Variants in NSD1 observed in about 807,000 individuals in gnomAD.
The protein encoded by NSD1 is nuclear receptor binding SET domain protein 1.
A neutral mutation model predicts 242.7 loss-of-function variants in NSD1; 26 were observed. The ratio of observed to expected loss-of-function variants is 0.11; its 90% CI spans 0.08 to 0.15. The LOEUF (loss-of-function observed/expected upper bound fraction) is 0.15. Among genes scored for constraint, NSD1 ranks in the 10% least tolerant of loss-of-function variants. The pLI is 1.00. For synonymous variants in NSD1, 1,106 were observed against 1,178.1 expected (o/e 0.94, Z 1.25); for missense variants, 2,495 against 3,272.8 (o/e 0.76, Z 5.80).
rs760561556 is a variant in NSD1, at chr5:177,211,478, T to G, written c.3079T>G (p.Ser1027Ala). The stretch of plus-strand genomic sequence containing the variant: ...GCGCAACTGTGGACGATCAAAGCCT[T>G]CATCCAAATTGCGAGATGCTTTTTC... ...TRRNCGRSKPSSKLRDAFSAQ... is the reference protein window; with the variant it reads ...TRRNCGRSKPASKLRDAFSAQ... The change falls in exon 5 of 23, where the codon TCA becomes GCA. Residue 1027 changes from serine (S) to alanine (A), a missense_variant. Physicochemically the swap from Ser to Ala is moderately conservative, Grantham distance 99. Transcript: ENST00000439151. 5.6e-6 allele frequency: 9 copies of G among 1,614,154 alleles called. No homozygotes were observed. The East Asian group carries it at 1.8e-4, about 32-fold the overall frequency.
chr5:177,178,196 C>T (rs550815667), intron 2 of NSD1, among the ~76,000 whole-genome samples: 51 of 152,250 alleles, frequency 3.3e-4, no homozygotes, highest in African/African-American at 1.2e-3. Context: ...CTCCTGGCTG[C>T]ATTAAAATAT....
chr5:177,274,297 G>A (rs181488923), intron 17 of NSD1, among the ~76,000 whole-genome samples: 3 of 152,250 alleles, frequency 2.0e-5, no homozygotes, highest in Non-Finnish European at 4.4e-5. Flanking sequence ...TATCATCTGG[G>A]TCCAGTGGAG....
chr5:177,225,004 A>G (rs1198465814), intron 5 of NSD1, among the ~76,000 whole-genome samples: 4 of 151,982 alleles, frequency 2.6e-5, no homozygotes, highest in East Asian at 1.9e-4. Flanking sequence ...GGTAAATCCT[A>G]CTTGGTCATG....
At chr5:177,164,659 C>T (rs565486969) in intron 2 of NSD1, among the ~76,000 whole-genome samples, 1 of 152,066 alleles carries the variant, frequency 6.6e-6, no homozygotes, top group African/African-American at 2.4e-5. Flanking sequence ...TGAGGTAAAA[C>T]GGCCAGGCAC....
rs934624011 is a variant in NSD1 at position 177,297,223 on chromosome 5, G to A, written c.*1764G>A. ...TATCCCTGCATTTCACTGAGACCTC[G>A]GAATCTCCTCTGTGAATTCCACCTG... On this transcript the variant is annotated 3_prime_UTR_variant, in exon 23 of 23. Coordinates refer to ENST00000439151, the MANE Select transcript of NSD1 (RefSeq NM_022455.5). The A allele has an allele frequency of 5.2e-5, 12 of 232,086 alleles. No individual in the cohort carries two copies. The highest frequency in any genetic ancestry group is 1.8e-4 in the African/African-American group (8 of 45,188). 14.4% of individuals were successfully genotyped at this position (232,086 alleles called of 1,614,324 possible). A position where few individuals can be genotyped will look rare whatever the true frequency, so the allele number is the denominator to read the frequency against.
intron 2 of NSD1, among the ~76,000 whole-genome samples, chr5:177,190,772 C>T (rs1761605805): frequency 6.6e-6 from 1 of 151,522 alleles, no homozygotes. Context: ...TGGGTTCACG[C>T]CATTCTCCTG....
chr5:177,166,455 G>C (rs1198213838), intron 2 of NSD1, among the ~76,000 whole-genome samples: 1 of 151,856 alleles, frequency 6.6e-6, no homozygotes, highest in Non-Finnish European at 1.5e-5. Context: ...GGCTGTGACA[G>C]GAGGATCACT....
At chr5:177,174,797 A>G (rs1041031335) in intron 2 of NSD1, among the ~76,000 whole-genome samples, 1 of 149,676 alleles carries the variant, frequency 6.7e-6, no homozygotes, top group Non-Finnish European at 1.5e-5. Context: ...TCCTGAGCTC[A>G]GGTGATCTGC....
At position 177,298,363 on chromosome 5, in the gene NSD1, T is replaced by C. The variant is rs1373528499; in HGVS notation, c.*2904T>C. The C allele has an allele frequency of 4.3e-6, 1 of 233,130 alleles. No individual in the cohort carries two copies. The highest frequency in any genetic ancestry group is 2.2e-5 in the African/African-American group (1 of 45,354). 14.4% of individuals were successfully genotyped at this position (233,130 alleles called of 1,614,324 possible). ...GCCTTTTCCAGGGACAAGGCAAAAG[T>C]TGAAATTCTCCATGGGTAGCTAGAA... On this transcript the variant is annotated 3_prime_UTR_variant, in exon 23 of 23. Transcript: ENST00000439151.
In NSD1 at chr5:177,158,994, GATTTTATAT is replaced by G. The variant is rs1460293786; in HGVS notation, c.927+22967_927+22975del. On this transcript the variant is annotated intron_variant, in intron 2 of 22. Coordinates refer to ENST00000439151, the MANE Select transcript of NSD1 (RefSeq NM_022455.5). ...CATATATACACACATATATATGAAT[GATTTTATAT>G]ATATATATATATATATATATATGAA... Among the ~76,000 whole-genome samples the G allele has an allele frequency of 4.3e-4, 31 of 72,036 alleles. 1 individual carries two copies. The highest frequency in any genetic ancestry group is 2.8e-3 in the African/African-American group (28 of 10,144). 47.3% of individuals were successfully genotyped at this position (72,036 alleles called of 152,430 possible). A position where few individuals can be genotyped will look rare whatever the true frequency, so the allele number is the denominator to read the frequency against.
intron 2 of NSD1, among the ~76,000 whole-genome samples, chr5:177,164,679 C>T (rs1264830476): frequency 2.6e-5 from 4 of 152,212 alleles, no homozygotes; most frequent in East Asian, 1.9e-4. Context: ...CGGTGGCTCA[C>T]GCCCATAATT....
At chr5:177,235,317 G>A (rs939025399) in intron 5 of NSD1, among the ~76,000 whole-genome samples, 1 of 152,166 alleles carries the variant, frequency 6.6e-6, no homozygotes, top group Non-Finnish European at 1.5e-5. Flanking sequence ...ACATAAATGA[G>A]TTTGGTATTT....
At position 177,135,097 on chromosome 5, in the gene NSD1, G is replaced by A. The variant is rs2149755132; in HGVS notation, c.-7G>A. ...GCTTTTGGATTCCAGGTTGATGCCG[G>A]CCCAGGATGGATCAGACCTGTGAAC... On this transcript the variant is annotated 5_prime_UTR_variant, in exon 2 of 23. Coordinates refer to ENST00000439151, the MANE Select transcript of NSD1 (RefSeq NM_022455.5). The A allele has an allele frequency of 6.2e-7, 1 of 1,614,076 alleles. No homozygotes were observed. Among genetic ancestry groups the A allele is most frequent in the Non-Finnish European group, 8.5e-7 (1 of 1,179,942 alleles).
chr5:177,215,246 C>T (rs1207622135), intron 5 of NSD1, among the ~76,000 whole-genome samples: 1 of 150,896 alleles, frequency 6.6e-6, no homozygotes, highest in Admixed American at 6.6e-5. Flanking sequence ...ATGGCACAAT[C>T]TCAGTTCACT....
At chr5:177,221,593 G>A (rs1426762741) in intron 5 of NSD1, among the ~76,000 whole-genome samples, 1 of 149,488 alleles carries the variant, frequency 6.7e-6, no homozygotes, top group Non-Finnish European at 1.5e-5. Flanking sequence ...AGCCTCCCAA[G>A]TAGCTGGGAT....
chr5:177,272,038 C>T (rs948323547), intron 16 of NSD1, among the ~76,000 whole-genome samples: 30 of 152,010 alleles, frequency 2.0e-4, no homozygotes, highest in Admixed American at 6.6e-4. Context: ...GGAGGAAAAT[C>T]GCTGGAACCC....
chr5:177,147,714 T>G (rs564758599), intron 2 of NSD1, among the ~76,000 whole-genome samples: 8 of 151,806 alleles, frequency 5.3e-5, no homozygotes, highest in African/African-American at 1.9e-4. Context: ...CTCAGCCTCC[T>G]GAGCAGTTGG....
intron 9 of NSD1, among the ~76,000 whole-genome samples, chr5:177,244,847 T>G (rs963167422): frequency 3.3e-5 from 5 of 152,220 alleles, no homozygotes; most frequent in Non-Finnish European, 7.3e-5. Flanking sequence ...TTAGCTTATT[T>G]TAGCTATGTG....
At chr5:177,185,916 A>G (rs1199033118) in intron 2 of NSD1, among the ~76,000 whole-genome samples, 5 of 77,650 alleles carry the variant, frequency 6.4e-5, no homozygotes, top group Admixed American at 6.4e-4. Context: ...ATAATTATAT[A>G]TATTTATATA....
Sources: gnomAD v4.1 joint callset for allele counts (sites outside exome capture counted in the v4.1 genomes callset) on GRCh38, gnomAD v4.1.1 for gene constraint, MANE v1.5 for transcripts, NCBI Gene and HGNC (gene_info 2026-07-23, HGNC 2026-07-21) for gene names.